C9orf40: variants seen among roughly 807,000 people sequenced by gnomAD.
C9orf40 encodes chromosome 9 open reading frame 40, also known as uncharacterized protein C9orf40.
A neutral mutation model predicts 7.9 loss-of-function variants in C9orf40; 2 were observed. The observed-to-expected ratio is 0.25, with a 90% CI of 0.10 to 0.80. The LOEUF (loss-of-function observed/expected upper bound fraction) is 0.80, where lower values mean the gene tolerates loss of function less well. C9orf40 is among the 30% of genes least tolerant of loss of function. The probability of loss-of-function intolerance (pLI) is 0.68; values close to 1 mark genes in which losing one functional copy is unlikely to be tolerated. For synonymous variants in C9orf40, 113 were observed against 117.6 expected, an observed-to-expected ratio of 0.96 and a Z score of 0.25; for missense variants, 256 against 268.5, an observed-to-expected ratio of 0.95 and a Z score of 0.33.
intron 1 of C9orf40, among the ~76,000 whole-genome samples, chr9:74,950,038 T>G (rs902321307): frequency 6.6e-6 from 1 of 151,684 alleles, no homozygotes; most frequent in African/African-American, 2.4e-5. Context: ...TCCCAACTAT[T>G]CAGGAAGCTA....
chr9:74,952,435 G>T lies in C9orf40; in HGVS notation c.177C>A (p.Asp59Glu). The T allele has an allele frequency of 1.2e-6, 2 of 1,600,438 alleles. No homozygotes were observed. The highest frequency in any genetic ancestry group is 1.1e-5 in the South Asian group (1 of 89,936). The change falls in exon 1 of 2, where the codon GAC (aspartate) becomes GAA (glutamate). Residue 59 changes from aspartate to glutamate, a missense_variant. Physicochemically the swap from Asp to Glu is conservative, Grantham distance 45. Transcript: ENST00000376854. The surrounding 1 kb of genome is among the most constrained non-coding windows in gnomAD (Gnocchi z 5.4). ...VPEQHRKRKI[D>E]AGTMAEPSAS... ...CCGAGGGCTCTGCCATGGTCCCTGC[G>T]TCGATTTTGCGCTTTCGGTGCTGCT...
chr9:74,951,204 G>A (rs974312541), intron 1 of C9orf40, among the ~76,000 whole-genome samples: 3 of 152,150 alleles, frequency 2.0e-5, no homozygotes, highest in Non-Finnish European at 4.4e-5. Flanking sequence ...TACATGCAGA[G>A]ATGAGGCAGG....
At position 74,948,146 on chromosome 9, in the gene C9orf40, T is replaced by C. The variant is rs1255777929; in HGVS notation, c.487A>G (p.Ile163Val). The change falls in exon 2 of 2, where the codon ATT becomes GTT. Residue 163 changes from isoleucine (I) to valine (V), a missense_variant. Transcript: ENST00000376854. ...AAATCTTCAATGTCTGCCAGATCAA[T>C]AGGAGGCAAAGGATTCCTCCAGTAC... ...FQYWRNPLPP[I>V]DLADIEDLSE... The C allele has an allele frequency of 1.2e-6, 2 of 1,613,340 alleles. No homozygotes were observed. The highest frequency in any genetic ancestry group is 1.7e-5 in the Admixed American group (1 of 59,994).
At position 74,952,163 on chromosome 9, in the gene C9orf40, G is replaced by GCCCCCCCCCCCCCCCC; in HGVS notation, c.426+22_426+23insGGGGGGGGGGGGGGGG. The GCCCCCCCCCCCCCCCC allele has an allele frequency of 5.7e-6, 2 of 351,746 alleles. No homozygotes were observed. The highest frequency in any genetic ancestry group is 9.4e-6 in the Non-Finnish European group (2 of 211,700). The allele number at this position is 351,746 out of a possible 1,614,324, so 21.8% of individuals were successfully genotyped here. ...AAAAGGCAAGCCCCTTCGCCCCTCA[G>GCCCCCCCCCCCCCCCC]CCCACCCGCCCCCAGCCCCTACCTG... On this transcript the variant is annotated intron_variant, in intron 1 of 1. Coordinates refer to ENST00000376854, the MANE Select transcript of C9orf40 (RefSeq NM_017998.3). This position sits in a 1 kb window ranked among gnomAD's most constrained non-coding sequence, Gnocchi z 5.4.
chr9:74,952,366 CG>C lies in C9orf40; in HGVS notation c.245del (p.Pro82ArgfsTer90). 6.4e-7 allele frequency: 1 copy of C among 1,556,954 alleles called. No homozygotes were observed. Among genetic ancestry groups the C allele is most frequent in the Non-Finnish European group, 8.6e-7 (1 of 1,160,826 alleles). ...CGTGGTCCTCACGCTCCTGGCCGCT[CG>C]GGGCGCTGTTGTCCCCGCTGTCACG... ...KRRDSGDNSA[P>X]SGQEREDHGL... is the part of the protein sequence containing the mutation. On this transcript the variant is annotated frameshift_variant, in exon 1 of 2. Transcript: ENST00000376854. LOFTEE classifies it high-confidence loss of function. The surrounding 1 kb of genome is among the most constrained non-coding windows in gnomAD (Gnocchi z 5.4).
At chr9:74,951,365 C>T (rs1049978364) in intron 1 of C9orf40, among the ~76,000 whole-genome samples, 1 of 152,120 alleles carries the variant, frequency 6.6e-6, no homozygotes, top group Admixed American at 6.5e-5. Flanking sequence ...AATCTCAGCT[C>T]ACTGCAACCG....
Position 74,952,357 on chromosome 9 carries a change from CTG to C in C9orf40, c.253_254del (p.Gln85GlyfsTer3). 1 of 1,551,334 alleles carries C rather than the reference CTG, an allele frequency of 6.4e-7. No homozygotes were observed. The highest frequency in any genetic ancestry group is 8.6e-7 in the Non-Finnish European group (1 of 1,158,242). On this transcript the variant is annotated frameshift_variant, in exon 1 of 2. Coordinates refer to ENST00000376854, the MANE Select transcript of C9orf40 (RefSeq NM_017998.3). LOFTEE classifies it high-confidence loss of function. This position sits in a 1 kb window ranked among gnomAD's most constrained non-coding sequence, Gnocchi z 5.4. ...DSGDNSAPSG[Q>X]EREDHGLETG... ...TCTCCAGACCGTGGTCCTCACGCTC[CTG>C]GCCGCTCGGGGCGCTGTTGTCCCCG...
chr9:74,947,936 G>T lies in C9orf40; in HGVS notation c.*112C>A, dbSNP rs1832259305. 13 of 1,041,084 alleles carry T rather than the reference G, an allele frequency of 1.2e-5. No homozygotes were observed. Among genetic ancestry groups the T allele is most frequent in the Admixed American group, 2.3e-5 (1 of 42,738 alleles). 64.5% of individuals were successfully genotyped at this position (1,041,084 alleles called of 1,614,324 possible). ...CAGAACAATCTTTCTTCATTTCTCA[G>T]GTTTGGAAATATAACTTCAAGTATG... On this transcript the variant is annotated 3_prime_UTR_variant, in exon 2 of 2. Transcript: ENST00000376854.
In C9orf40 at chr9:74,952,820, C is replaced by G. The variant is rs1198579227; in HGVS notation, c.-209G>C. ...CTCGGAGGCAGCTCCCGCGCTCAGC[C>G]CTCGCCGCCGCCGAGATGCGGCCCG... is the stretch of plus-strand genomic sequence containing the variant. On this transcript the variant is annotated 5_prime_UTR_variant, in exon 1 of 2. Coordinates refer to ENST00000376854, the MANE Select transcript of C9orf40 (RefSeq NM_017998.3). This position sits in a 1 kb window ranked among gnomAD's most constrained non-coding sequence, Gnocchi z 5.4. 1 of 500,106 alleles carries G rather than the reference C, an allele frequency of 2.0e-6. No homozygotes were observed. Among genetic ancestry groups the G allele is most frequent in the Non-Finnish European group, 3.5e-6 (1 of 286,938 alleles). The allele number at this position is 500,106 out of a possible 1,614,324, so 31.0% of individuals were successfully genotyped here.
intron 1 of C9orf40, among the ~76,000 whole-genome samples, chr9:74,951,416 C>T (rs1015300846): frequency 5.3e-5 from 8 of 152,094 alleles, no homozygotes; most frequent in Admixed American, 5.2e-4. Flanking sequence ...CTCAGCCTCC[C>T]GAGTAGCTGT....
chr9:74,952,227 C>A lies in C9orf40; in HGVS notation c.385G>T (p.Ala129Ser). The A allele has an allele frequency of 3.4e-6, 4 of 1,169,706 alleles. No homozygotes were observed. The South Asian group carries it at 1.1e-4, about 31-fold the overall frequency. The allele number at this position is 1,169,706 out of a possible 1,614,324, so 72.5% of individuals were successfully genotyped here. The change falls in exon 1 of 2, where the codon GCA becomes TCA. Residue 129 changes from alanine to serine, a missense_variant. Transcript: ENST00000376854. This position sits in a 1 kb window ranked among gnomAD's most constrained non-coding sequence, Gnocchi z 5.4. The stretch of plus-strand genomic sequence containing the variant: ...CCCCAGTCTCCCCGCGGGGGTCCTG[C>A]GCGCCCCGCCCCGTCGTCGCCACCG... ...GGGGDDGAGRAGPPRGDWGVA... is the reference protein window; with the variant it reads ...GGGGDDGAGRSGPPRGDWGVA...
At chr9:74,950,315 G>A (rs1357177163) in intron 1 of C9orf40, among the ~76,000 whole-genome samples, 1 of 152,214 alleles carries the variant, frequency 6.6e-6, no homozygotes, top group Admixed American at 6.5e-5. Flanking sequence ...GAACTCTTAC[G>A]CTTTGCCTAC....
At chr9:74,948,234 G>A (rs777705888) in intron 1 of C9orf40, 28 bp from the exon 2 acceptor site, 8 of 1,513,922 alleles carry the variant, frequency 5.3e-6, no homozygotes, top group African/African-American at 1.4e-5. Flanking sequence ...AGATCAAAGA[G>A]CATCAATAGC....
Position 74,947,900 on chromosome 9 carries a change from G to A in C9orf40, c.*148C>T. The A allele has an allele frequency of 1.4e-6, 1 of 725,800 alleles. No individual in the cohort carries two copies. Among genetic ancestry groups the A allele is most frequent in the Non-Finnish European group, 2.3e-6 (1 of 441,066 alleles). 45.0% of individuals were successfully genotyped at this position (725,800 alleles called of 1,614,324 possible). On this transcript the variant is annotated 3_prime_UTR_variant, in exon 2 of 2. Transcript: ENST00000376854. ...TTAAGAGGTTCAGTAGTAACTGTAG[G>A]TATTTAATGTCAGAACAATCTTTCT...
intron 1 of C9orf40, among the ~76,000 whole-genome samples, chr9:74,950,972 TTAATA>T (rs1341905337): frequency 6.6e-6 from 1 of 152,242 alleles, no homozygotes; most frequent in Non-Finnish European, 1.5e-5. Context: ...GGTATTAATT[TTAATA>T]TATTTTCTTC....
At chr9:74,950,922 A>T (rs72732905) in intron 1 of C9orf40, among the ~76,000 whole-genome samples, 6,642 of 152,262 alleles carry the variant, frequency 0.044, 196 homozygotes, top group Middle Eastern at 0.092. Context: ...ATAATTTAAA[A>T]TTTTCTAGTA....
intron 1 of C9orf40, 54 bp from the exon 2 acceptor site, chr9:74,948,260 T>C: frequency 1.3e-6 from 1 of 742,468 alleles, no homozygotes; most frequent in Non-Finnish European, 1.9e-6. Context: ...AAAAATTAAG[T>C]TTTTTTCAGA....
Position 74,952,174 on chromosome 9 carries a change from C to A in C9orf40, c.426+12G>T. 3 of 613,542 alleles carry A rather than the reference C, an allele frequency of 4.9e-6. No homozygotes were observed. Among genetic ancestry groups the A allele is most frequent in the Admixed American group, 4.6e-5 (1 of 21,930 alleles). 38.0% of individuals were successfully genotyped at this position (613,542 alleles called of 1,614,324 possible). ...CCCTTCGCCCCTCAGCCCACCCGCC[C>A]CCAGCCCCTACCTGGCGCGATGCGA... On this transcript the variant is annotated intron_variant, in intron 1 of 1. Transcript: ENST00000376854. This position sits in a 1 kb window ranked among gnomAD's most constrained non-coding sequence, Gnocchi z 5.4.
chr9:74,948,603 T>C (rs778487978), intron 1 of C9orf40, among the ~76,000 whole-genome samples: 2 of 152,220 alleles, frequency 1.3e-5, no homozygotes, highest in Non-Finnish European at 2.9e-5. Flanking sequence ...CTTTTGGTCT[T>C]GTTCTTAAGG....
Sources: allele counts gnomAD v4.1 joint callset (sites outside exome capture counted in the v4.1 genomes callset), GRCh38; gene constraint gnomAD v4.1.1; non-coding constraint Gnocchi (gnomAD v3.1); transcripts MANE v1.5; gene names NCBI Gene and HGNC (gene_info 2026-07-23, HGNC 2026-07-21).